Variants in AVEN observed in about 807,000 individuals in gnomAD.
AVEN encodes cell death regulator Aven.
Under a neutral mutation model 38.1 loss-of-function variants are expected in AVEN, and 41 were observed. That is an observed-to-expected ratio of 1.08 (90% confidence interval 0.84 to 1.40). AVEN has a LOEUF of 1.40. AVEN is among the 40% of genes most tolerant of loss of function. The pLI is 0.00. For synonymous variants in AVEN, 206 were observed against 171.8 expected (o/e 1.20, Z -1.56); for missense variants, 605 against 438.8 (o/e 1.38, Z -3.38).
chr15:33,872,490 G>A (rs953839803), intron 3 of AVEN, among the ~76,000 whole-genome samples: 10 of 152,062 alleles, frequency 6.6e-5, no homozygotes, highest in African/African-American at 1.7e-4. Flanking sequence ...AATAAGCTGG[G>A]CAGCTTTTTA....
At chr15:34,000,677 A>T (rs926162215) in intron 2 of AVEN, among the ~76,000 whole-genome samples, 22 of 152,354 alleles carry the variant, frequency 1.4e-4, no homozygotes, top group African/African-American at 5.3e-4. Context: ...AATGAAGTTG[A>T]CCTCTCGAAA....
chr15:33,852,802 C>G, the AVEN span: 2 of 413,892 alleles, frequency 4.8e-6, no homozygotes, highest in Non-Finnish European at 8.8e-6. Context: ...AATCATAATT[C>G]TGAGGCAGAA....
intron 1 of AVEN, among the ~76,000 whole-genome samples, chr15:34,022,181 T>C (rs907606563): frequency 3.9e-5 from 6 of 152,200 alleles, no homozygotes; most frequent in Admixed American, 1.3e-4. Context: ...TCCTCAGACA[T>C]CAAATGAATG....
rs58208633 is a variant in AVEN at position 33,957,723 on chromosome 15, GA to G, written c.445+45308del. 3.3e-3 allele frequency among the ~76,000 whole-genome samples: 469 copies of G among 142,434 alleles called. 3 individuals are homozygous for G. The highest frequency in any genetic ancestry group is 9.0e-3 in the African/African-American group (354 of 39,458). 93.4% of individuals were successfully genotyped at this position (142,434 alleles called of 152,430 possible). ...GAATCTCAAAATCATTATATTGTATGAAAAAAAAAAAAGCCAGACATAAGCG... is the reference window on the plus strand; with the variant it reads ...GAATCTCAAAATCATTATATTGTATGAAAAAAAAAAAGCCAGACATAAGCG... On this transcript the variant is annotated intron_variant, in intron 2 of 5. Coordinates refer to ENST00000306730, the MANE Select transcript of AVEN (RefSeq NM_020371.3).
chr15:33,859,867 C>A, intron 11 of AVEN: 1 of 960,532 alleles, frequency 1.0e-6, no homozygotes, highest in Non-Finnish European at 1.5e-6. Context: ...ACTAATTTAG[C>A]ATCTACTATA....
chr15:33,997,716 C>T (rs1415189148), intron 2 of AVEN, among the ~76,000 whole-genome samples: 1 of 152,022 alleles, frequency 6.6e-6, no homozygotes, highest in Non-Finnish European at 1.5e-5. Context: ...TTTCCTTATC[C>T]CACTTAAATT....
chr15:33,991,265 T>C (rs1435685800), intron 2 of AVEN: 1 of 152,144 alleles, frequency 6.6e-6, no homozygotes, highest in Non-Finnish European at 1.5e-5. Flanking sequence ...ATACAGACCT[T>C]CTAACACTTT....
chr15:33,865,205 A>G (rs774148017), downstream of AVEN: 22 of 1,613,364 alleles, frequency 1.4e-5, no homozygotes, highest in Middle Eastern at 1.6e-4. Flanking sequence ...TTCGTAAACA[A>G]TATGAAGATC....
chr15:33,859,903 C>G (rs1208183000), intron 11 of AVEN, among the ~76,000 whole-genome samples: 2 of 152,116 alleles, frequency 1.3e-5, no homozygotes, highest in African/African-American at 4.8e-5. Context: ...ATATATAAAG[C>G]CAAATACACA....
chr15:33,861,239 C>G, downstream of AVEN: 1 of 1,219,204 alleles, frequency 8.2e-7, no homozygotes, highest in South Asian at 1.3e-5. Flanking sequence ...CCAATTAGGT[C>G]ATATAGTTCA....
downstream of AVEN, chr15:33,855,026 C>G (rs964820954): frequency 3.6e-6 from 4 of 1,101,644 alleles, no homozygotes; most frequent in African/African-American, 4.9e-5. Flanking sequence ...ATATAATGTA[C>G]TTTTCTTGGC....
intron 2 of AVEN, among the ~76,000 whole-genome samples, chr15:33,900,263 G>C (rs1892434155): frequency 6.6e-6 from 1 of 151,698 alleles, no homozygotes; most frequent in African/African-American, 2.4e-5. Context: ...TGAGATTACA[G>C]TCACTCTACT....
At chr15:34,052,185 G>T (rs1224086242) in intron 5 of AVEN, among the ~76,000 whole-genome samples, 4 of 152,086 alleles carry the variant, frequency 2.6e-5, no homozygotes, top group Non-Finnish European at 5.9e-5. Context: ...ATGCAAGGTT[G>T]GTTCAACATA....
intron 2 of AVEN, among the ~76,000 whole-genome samples, chr15:33,891,137 G>A (rs919647203): frequency 1.3e-5 from 2 of 151,920 alleles, no homozygotes; most frequent in African/African-American, 4.8e-5. Context: ...ATACTAAAAT[G>A]TCTGGCTTTT....
chr15:34,017,488 T>TG (rs1567469633), intron 1 of AVEN, among the ~76,000 whole-genome samples: 7 of 77,572 alleles, frequency 9.0e-5, no homozygotes, highest in East Asian at 5.3e-4. Flanking sequence ...TTTTTTGTTT[T>TG]TTTTTTTTTT....
intron 2 of AVEN, among the ~76,000 whole-genome samples, chr15:33,939,342 T>C (rs1029416777): frequency 6.6e-6 from 1 of 152,246 alleles, no homozygotes; most frequent in Admixed American, 6.5e-5. Context: ...AATGGAACCA[T>C]TTTAGGAGAC....
At chr15:34,038,649 CGCGCAGGCGCCGGCGCCGCCGCCCGTCTG>C (rs1899281460) in intron 1 of AVEN, 102 bp downstream of exon 1, 3 of 845,454 alleles carry the variant, frequency 3.5e-6, no homozygotes, top group Non-Finnish European at 4.4e-6. Context: ...CCGCCCGTCC[CGCGCAGGCGCCGGCGCCGCCGCCCGTCTG>C]GCGCGCGCCT....
At chr15:33,900,898 T>C (rs1204396065) in intron 2 of AVEN, among the ~76,000 whole-genome samples, 1 of 152,194 alleles carries the variant, frequency 6.6e-6, no homozygotes, top group African/African-American at 2.4e-5. Context: ...CAAAGATTCC[T>C]TGGGCTGGGG....
intron 5 of AVEN, among the ~76,000 whole-genome samples, chr15:34,061,935 T>C (rs1344383641): frequency 6.6e-6 from 1 of 152,212 alleles, no homozygotes; most frequent in African/African-American, 2.4e-5. Flanking sequence ...TGCATGACGA[T>C]TTAGGTATTT....
Sources: allele counts gnomAD v4.1 joint callset (sites outside exome capture counted in the v4.1 genomes callset), GRCh38; gene constraint gnomAD v4.1.1; transcripts MANE v1.5; gene names NCBI Gene and HGNC (gene_info 2026-07-23, HGNC 2026-07-21).